The following SERHL2 variants were observed in gnomAD, a reference collection of about 807,000 sequenced individuals.
SERHL2 encodes serine hydrolase like 2, also known as serine hydrolase-like protein 2.
In SERHL2, 29 loss-of-function variants were observed where a neutral mutation model predicts 25.5. The observed-to-expected ratio is 1.14, with a 90% CI of 0.85 to 1.55. The LOEUF is 1.55. SERHL2 is among the 40% of genes most tolerant of loss of function. SERHL2 has a pLI of 0.00. For synonymous variants in SERHL2, 95 were observed against 103.5 expected (o/e 0.92, Z 0.50); for missense variants, 240 against 252.3 (o/e 0.95, Z 0.33).
chr22:42,563,384 T>C (rs760695291), intron 8 of SERHL2: 8 of 423,476 alleles, frequency 1.9e-5, no homozygotes, highest in South Asian at 1.3e-4. Flanking sequence ...TGTATTTTTT[T>C]GTAGAGATGG....
intron 8 of SERHL2, among the ~76,000 whole-genome samples, chr22:42,565,615 T>A (rs1389014357): frequency 6.6e-6 from 1 of 151,782 alleles, no homozygotes; most frequent in Non-Finnish European, 1.5e-5. Flanking sequence ...TGAGCCACCA[T>A]GCCTGGCCTT....
At chr22:42,569,170 T>A (rs1309768394) in intron 9 of SERHL2, 1 of 151,242 alleles carries the variant, frequency 6.6e-6, no homozygotes, top group Non-Finnish European at 1.5e-5. Context: ...ACAATTTTCG[T>A]ATCACGCTTG....
Position 42,567,557 on chromosome 22 carries a change from G to A in SERHL2, c.648+1219G>A, listed in dbSNP as rs1304586857. Among the ~76,000 whole-genome samples the A allele has an allele frequency of 4.6e-5, 7 of 151,514 alleles. 1 individual carries two copies. The highest frequency in any genetic ancestry group is 5.9e-5 in the Non-Finnish European group (4 of 67,788). On this transcript the variant is annotated intron_variant, in intron 9 of 11. Transcript: ENST00000327678. ...CAGGCGCCTGTAGTCCCAGCTACTC[G>A]GGAGGCTGAGGCAGGAGAATGGCGT... is the stretch of plus-strand genomic sequence containing the variant.
chr22:42,564,613 G>C (rs1923098586), intron 8 of SERHL2, among the ~76,000 whole-genome samples: 1 of 151,506 alleles, frequency 6.6e-6, no homozygotes, highest in Non-Finnish European at 1.5e-5. Context: ...TGTATTTTTA[G>C]TAGAGATGGG....
chr22:42,563,424 G>A (rs757706680), intron 8 of SERHL2: 18 of 440,678 alleles, frequency 4.1e-5, no homozygotes, highest in Non-Finnish European at 7.3e-5. Context: ...GGCTGGTCTC[G>A]AACTCCTGAA....
intron 7 of SERHL2, 135 bp from the exon 8 acceptor site, chr22:42,560,051 A>G (rs1342000274): frequency 6.0e-6 from 4 of 665,242 alleles, no homozygotes; most frequent in Non-Finnish European, 8.1e-6. Flanking sequence ...ACCTCAGATG[A>G]TCCGCCCATC....
At chr22:42,573,849 G>T in intron 11 of SERHL2, 87 bp from the exon 12 acceptor site, 1 of 1,306,198 alleles carries the variant, frequency 7.7e-7, no homozygotes. Context: ...GAGCTGGAAT[G>T]CTGTGGGAGG....
At chr22:42,564,785 T>G (rs1419038927) in intron 8 of SERHL2, among the ~76,000 whole-genome samples, 1 of 151,766 alleles carries the variant, frequency 6.6e-6, no homozygotes, top group Non-Finnish European at 1.5e-5. Context: ...TTTACAGAGT[T>G]TTTCTACTAG....
chr22:42,573,074 C>A (rs1275970202), intron 11 of SERHL2, among the ~76,000 whole-genome samples: 3 of 151,842 alleles, frequency 2.0e-5, no homozygotes, highest in African/African-American at 7.2e-5. Flanking sequence ...GCAGAGGTGG[C>A]TTTTCCCCCA....
At position 42,571,174 on chromosome 22, in the gene SERHL2, G is replaced by A; in HGVS notation, c.702G>A (p.Arg234=). 1 of 1,613,486 alleles carries A rather than the reference G, an allele frequency of 6.2e-7. No individual in the cohort carries two copies. The highest frequency in any genetic ancestry group is 8.5e-7 in the Non-Finnish European group (1 of 1,179,676). ...GGGAGCTGTGTGCGCATTCCATCAG[G>A]AAGCTGCAGGCCCATGTCCTGTTGA... is the stretch of plus-strand genomic sequence containing the variant. ...ISRELCAHSI[R]KLQAHVLLIK... Residue 234 remains arginine, a synonymous_variant, in exon 10 of 12, where the codon AGG becomes AGA. Transcript: ENST00000327678.
At chr22:42,568,153 G>A (rs13058683) in intron 9 of SERHL2, among the ~76,000 whole-genome samples, 24,972 of 151,324 alleles carry the variant, frequency 0.17, 2,308 homozygotes, top group Middle Eastern at 0.22. Context: ...CCTCCGGAGT[G>A]GCTAGGACTA....
At chr22:42,568,723 G>A (rs549981447) in intron 9 of SERHL2, among the ~76,000 whole-genome samples, 74 of 152,084 alleles carry the variant, frequency 4.9e-4, no homozygotes, top group African/African-American at 1.7e-3. Context: ...CCAGCACTTT[G>A]GGATGCCAAG....
At chr22:42,562,011 G>A (rs1033888721) in intron 8 of SERHL2, among the ~76,000 whole-genome samples, 53 of 151,792 alleles carry the variant, frequency 3.5e-4, no homozygotes, top group African/African-American at 1.3e-3. Context: ...GCACCCCTAT[G>A]TGGGTGTCAG....
chr22:42,555,315 TTTGTG>T lies in SERHL2; in HGVS notation c.257_261del (p.Phe86Ter). 4.1e-6 allele frequency: 1 copy of T among 245,724 alleles called. No individual in the cohort carries two copies. Among genetic ancestry groups the T allele is most frequent in the Non-Finnish European group, 7.3e-6 (1 of 137,542 alleles). 15.2% of individuals were successfully genotyped at this position (245,724 alleles called of 1,614,324 possible). ...AGGTGTCCCATATTACCTCCAGACT[TTTGTG>T]AGTGAGATCCGAAGAGTTGTGGCAG... On this transcript the variant is annotated frameshift_variant, in exon 3 of 12. Transcript: ENST00000327678. LOFTEE classifies it high-confidence loss of function.
At chr22:42,570,593 C>T (rs1447730944) in intron 9 of SERHL2, among the ~76,000 whole-genome samples, 5 of 152,312 alleles carry the variant, frequency 3.3e-5, no homozygotes, top group South Asian at 4.1e-4. Flanking sequence ...GCCATCCAGA[C>T]GTAAAACAGT....
At chr22:42,570,804 G>A (rs1046410) in intron 9 of SERHL2, among the ~76,000 whole-genome samples, 22 of 151,960 alleles carry the variant, frequency 1.4e-4, no homozygotes, top group East Asian at 1.2e-3. Context: ...TCCAGGCCCA[G>A]AAGTGGCCCA....
intron 10 of SERHL2, among the ~76,000 whole-genome samples, chr22:42,572,104 T>C (rs1360873597): frequency 6.6e-6 from 1 of 152,062 alleles, no homozygotes; most frequent in African/African-American, 2.4e-5. Flanking sequence ...TGTGAAGACA[T>C]AAATTCTCTC....
chr22:42,569,108 C>G (rs1923801021), intron 9 of SERHL2: 1 of 151,386 alleles, frequency 6.6e-6, no homozygotes, highest in Non-Finnish European at 1.5e-5. Flanking sequence ...GTTTCGAACT[C>G]CTGACCTCAG....
Position 42,554,036 on chromosome 22 carries a change from G to A in SERHL2, c.16G>A (p.Ala6Thr), listed in dbSNP as rs760511141. Residue 6 changes from alanine to threonine, a missense_variant, in exon 1 of 12, where the codon GCA (alanine) becomes ACA (threonine). Coordinates refer to ENST00000327678, the MANE Select transcript of SERHL2 (RefSeq NM_014509.5). The stretch of plus-strand genomic sequence containing the variant: ...GACGAGAGCGATGAGTGAGAACGCC[G>A]CACCAGGTCTGACGGGGAGGCCTTG... MSENA[A>T]PGLISELKLA... 6.2e-6 allele frequency: 10 copies of A among 1,613,560 alleles called. No individual in the cohort carries two copies. Among genetic ancestry groups the A allele is most frequent in the Non-Finnish European group, 8.5e-6 (10 of 1,179,780 alleles).
Sources: allele counts gnomAD v4.1 joint callset (sites outside exome capture counted in the v4.1 genomes callset), GRCh38; gene constraint gnomAD v4.1.1; transcripts MANE v1.5; gene names NCBI Gene and HGNC (gene_info 2026-07-23, HGNC 2026-07-21).